Variants in ETV6 observed in about 807,000 individuals in gnomAD.
ETV6 encodes the protein transcription factor ETV6.
ETV6 carries 16 observed loss-of-function variants against 51.1 expected under a neutral mutation model. The observed-to-expected ratio is 0.31, with a 90% CI of 0.21 to 0.48. The LOEUF (loss-of-function observed/expected upper bound fraction) is 0.48. Ranked by LOEUF, ETV6 falls within the 20% of genes least tolerant of loss-of-function variation. ETV6 has a pLI of 0.99. For synonymous variants in ETV6, 240 were observed against 224.1 expected, an observed-to-expected ratio of 1.07 and a Z score of -0.64; for missense variants, 458 against 594.8, an observed-to-expected ratio of 0.77 and a Z score of 2.39.
chr12:11,831,340 C>A (rs1172314282), intron 2 of ETV6, among the ~76,000 whole-genome samples: 1 of 152,192 alleles, frequency 6.6e-6, no homozygotes. Flanking sequence ...ATTCTCTTGC[C>A]TCAGCTTCCC....
chr12:11,783,955 G>A lies in ETV6; in HGVS notation c.163+31376G>A, dbSNP rs992667318. Among the ~76,000 whole-genome samples the A allele has an allele frequency of 5.3e-5, 8 of 152,264 alleles. No homozygotes were observed. The South Asian group carries it at 1.5e-3, about 28-fold the overall frequency. On this transcript the variant is annotated intron_variant, in intron 2 of 7. Transcript: ENST00000396373. ...TGAGCCAAGCTGGGGTCCCCCCACC[G>A]CGTGGCATCGCCTCCCAGTGGGAGG...
intron 4 of ETV6, among the ~76,000 whole-genome samples, chr12:11,862,971 A>G (rs10845414): frequency 0.25 from 37,870 of 152,086 alleles, 4,967 homozygotes; most frequent in African/African-American, 0.32. Flanking sequence ...AGTGAAACCC[A>G]GTGGACTGAG....
intron 2 of ETV6, among the ~76,000 whole-genome samples, chr12:11,787,072 G>A (rs192904079): frequency 2.9e-4 from 44 of 152,280 alleles, no homozygotes; most frequent in Non-Finnish European, 4.9e-4. Context: ...CATGAGCCAA[G>A]TTTAGTATTT....
At chr12:11,715,639 G>A (rs1260417900) in intron 1 of ETV6, among the ~76,000 whole-genome samples, 1 of 152,224 alleles carries the variant, frequency 6.6e-6, no homozygotes, top group Non-Finnish European at 1.5e-5. Flanking sequence ...TGATGCTGCT[G>A]AGGAAGAGTC....
intron 6 of ETV6, among the ~76,000 whole-genome samples, chr12:11,885,337 T>A (rs368981003): frequency 1.3e-5 from 2 of 152,170 alleles, no homozygotes; most frequent in Non-Finnish European, 2.9e-5. Context: ...TGACCAAATA[T>A]GGCAAGGCCC....
At chr12:11,758,877 C>T (rs1355915900) in intron 2 of ETV6, among the ~76,000 whole-genome samples, 1 of 152,202 alleles carries the variant, frequency 6.6e-6, no homozygotes, top group Non-Finnish European at 1.5e-5. Flanking sequence ...ACTTTGTTCC[C>T]CCTTAAGCCT....
At chr12:11,787,397 TATTG>T (rs1359143991) in intron 2 of ETV6, among the ~76,000 whole-genome samples, 1 of 152,266 alleles carries the variant, frequency 6.6e-6, no homozygotes, top group African/African-American at 2.4e-5. Context: ...CATTAATTTA[TATTG>T]ATTATCTGTT....
At chr12:11,889,871 T>C (rs960364768) in intron 7 of ETV6, among the ~76,000 whole-genome samples, 12 of 152,126 alleles carry the variant, frequency 7.9e-5, no homozygotes, top group South Asian at 2.1e-4. Flanking sequence ...GCAGAGTATA[T>C]GGGGAGAGAA....
At chr12:11,877,318 T>A (rs536665822) in intron 5 of ETV6, among the ~76,000 whole-genome samples, 14 of 150,632 alleles carry the variant, frequency 9.3e-5, no homozygotes, top group South Asian at 6.3e-4. Context: ...TTTTTTTTTT[T>A]AATTTTGTAC....
At chr12:11,885,526 A>G (rs1261480741) in intron 6 of ETV6, among the ~76,000 whole-genome samples, 1 of 152,214 alleles carries the variant, frequency 6.6e-6, no homozygotes, top group Admixed American at 6.5e-5. Flanking sequence ...AGGTCATTGC[A>G]ACAAAAAAAA....
chr12:11,742,953 C>T (rs964438476), intron 1 of ETV6, among the ~76,000 whole-genome samples: 1 of 151,986 alleles, frequency 6.6e-6, no homozygotes, highest in Admixed American at 6.6e-5. Flanking sequence ...ACCACAGGCA[C>T]ATGCCACCAT....
chr12:11,857,223 T>C (rs1946644631), intron 4 of ETV6, among the ~76,000 whole-genome samples: 1 of 152,242 alleles, frequency 6.6e-6, no homozygotes, highest in African/African-American at 2.4e-5. Context: ...GTTCCCCACA[T>C]GTATCCTCTA....
chr12:11,812,706 C>A (rs1464443327), intron 2 of ETV6, among the ~76,000 whole-genome samples: 1 of 152,146 alleles, frequency 6.6e-6, no homozygotes, highest in Non-Finnish European at 1.5e-5. Flanking sequence ...GTACACATTC[C>A]TAGGACTGTA....
intron 3 of ETV6, chr12:11,840,367 A>G: frequency 2.2e-6 from 1 of 454,002 alleles, no homozygotes; most frequent in Non-Finnish European, 4.4e-6. Flanking sequence ...GGAACTACAT[A>G]TGTCAAAGGG....
At chr12:11,817,702 C>T (rs1946013060) in intron 2 of ETV6, among the ~76,000 whole-genome samples, 1 of 152,202 alleles carries the variant, frequency 6.6e-6, no homozygotes, top group African/African-American at 2.4e-5. Flanking sequence ...GCCTGGCCAG[C>T]CCCCATGCCA....
Position 11,711,248 on chromosome 12 carries a change from C to A in ETV6, c.34-41202C>A, listed in dbSNP as rs540044919. Reference sequence around the variant, plus strand: ...GCCATATTTCTCCAGGTTTTCAGCACAAACTCAACCCGTTATTTTTGTTTC... The same window carrying A: ...GCCATATTTCTCCAGGTTTTCAGCAAAAACTCAACCCGTTATTTTTGTTTC... On this transcript the variant is annotated intron_variant, in intron 1 of 7. Transcript: ENST00000396373. Among the ~76,000 whole-genome samples, 60 of 152,326 alleles carry A rather than the reference C, an allele frequency of 3.9e-4. No individual in the cohort carries two copies. The South Asian group carries it at 0.012, about 30-fold the overall frequency.
At chr12:11,788,308 T>A (rs1428436717) in intron 2 of ETV6, among the ~76,000 whole-genome samples, 1 of 152,154 alleles carries the variant, frequency 6.6e-6, no homozygotes, top group Admixed American at 6.5e-5. Flanking sequence ...ATACTAATAT[T>A]TCACCCACAA....
chr12:11,724,806 C>T (rs896775843), intron 1 of ETV6, among the ~76,000 whole-genome samples: 1 of 152,306 alleles, frequency 6.6e-6, no homozygotes, highest in Non-Finnish European at 1.5e-5. Context: ...GGTCCTTGCA[C>T]GAGACCCTTG....
At chr12:11,711,462 T>C (rs1175002064) in intron 1 of ETV6, among the ~76,000 whole-genome samples, 1 of 152,202 alleles carries the variant, frequency 6.6e-6, no homozygotes, top group Non-Finnish European at 1.5e-5. Context: ...GAAACTTTCT[T>C]TTTGGAACAT....
Sources: allele counts gnomAD v4.1 joint callset (sites outside exome capture counted in the v4.1 genomes callset), GRCh38; gene constraint gnomAD v4.1.1; transcripts MANE v1.5; gene names NCBI Gene and HGNC (gene_info 2026-07-23, HGNC 2026-07-21).